The following TANC1 variants were observed in gnomAD, a reference collection of about 807,000 sequenced individuals.
TANC1 encodes the protein tetratricopeptide repeat, ankyrin repeat and coiled-coil containing 1.
In TANC1, 77 loss-of-function variants were observed where a neutral mutation model predicts 149.7. That is an observed-to-expected ratio of 0.51 (90% CI 0.43 to 0.62). TANC1 has a LOEUF of 0.62. Ranked by LOEUF, TANC1 falls within the 20% of genes least tolerant of loss-of-function variation. TANC1 has a pLI of 0.00. For synonymous variants in TANC1, 854 were observed against 925.0 expected (o/e 0.92, Z 1.39); for missense variants, 1,985 against 2,321.8 (o/e 0.85, Z 2.98).
At chr2:159,065,640 G>GTTTT (rs34624412) in intron 2 of TANC1, among the ~76,000 whole-genome samples, 1 of 136,196 alleles carries the variant, frequency 7.3e-6, no homozygotes, top group African/African-American at 2.7e-5. Context: ...ATGCACTATT[G>GTTTT]TTTTTTTTTT....
intron 3 of TANC1, among the ~76,000 whole-genome samples, chr2:159,086,416 G>A (rs1237429464): frequency 6.6e-6 from 1 of 152,110 alleles, no homozygotes; most frequent in Non-Finnish European, 1.5e-5. Flanking sequence ...TCTGACATTA[G>A]AGAGATCTGG....
At chr2:159,186,418 T>A (rs1016909198) in intron 15 of TANC1, among the ~76,000 whole-genome samples, 1 of 152,186 alleles carries the variant, frequency 6.6e-6, no homozygotes, top group African/African-American at 2.4e-5. Flanking sequence ...ATGGTGATAT[T>A]CTAATTCTGT....
chr2:159,076,721 A>G (rs1171949254), intron 3 of TANC1, among the ~76,000 whole-genome samples: 1 of 150,804 alleles, frequency 6.6e-6, no homozygotes, highest in Non-Finnish European at 1.5e-5. Flanking sequence ...ATTGAGTTCA[A>G]TTTCTTGCTT....
At chr2:159,115,668 C>A (rs1041225129) in intron 4 of TANC1, among the ~76,000 whole-genome samples, 22 of 152,106 alleles carry the variant, frequency 1.4e-4, no homozygotes. Flanking sequence ...CCTGGCATAC[C>A]CTTAACTCAT....
At chr2:159,205,241 C>T (rs2058520554) in intron 19 of TANC1, among the ~76,000 whole-genome samples, 1 of 152,208 alleles carries the variant, frequency 6.6e-6, no homozygotes, top group Non-Finnish European at 1.5e-5. Flanking sequence ...GGTGGGCTTC[C>T]CACATCCAAG....
At chr2:159,062,577 A>G (rs1032581514) in intron 2 of TANC1, among the ~76,000 whole-genome samples, 3 of 152,186 alleles carry the variant, frequency 2.0e-5, no homozygotes, top group Non-Finnish European at 4.4e-5. Flanking sequence ...TGCCATTTCC[A>G]TTGAGGAATT....
At chr2:159,126,930 A>T (rs999001051) in intron 4 of TANC1, among the ~76,000 whole-genome samples, 2 of 152,248 alleles carry the variant, frequency 1.3e-5, no homozygotes, top group Non-Finnish European at 2.9e-5. Context: ...ATGCTTTCAT[A>T]TATAACAATT....
chr2:159,224,825 G>C (rs2241023), intron 23 of TANC1: 13,619 of 163,718 alleles, frequency 0.083, 1,234 homozygotes, highest in East Asian at 0.23. Context: ...CGATACTTGA[G>C]GATTGTGTGG....
chr2:159,106,416 T>C (rs965192377), intron 4 of TANC1, among the ~76,000 whole-genome samples: 2 of 152,212 alleles, frequency 1.3e-5, no homozygotes, highest in Admixed American at 6.6e-5. Flanking sequence ...AATCATAATA[T>C]GTGGTATTTT....
intron 19 of TANC1, among the ~76,000 whole-genome samples, chr2:159,201,206 C>A (rs903921535): frequency 4.6e-5 from 7 of 152,274 alleles, no homozygotes; most frequent in Admixed American, 1.3e-4. Context: ...ACTTTCCAGG[C>A]CTGCATTTGT....
chr2:159,172,563 T>C (rs2055376857), intron 11 of TANC1, among the ~76,000 whole-genome samples: 1 of 152,240 alleles, frequency 6.6e-6, no homozygotes, highest in Admixed American at 6.5e-5. Flanking sequence ...CTTATCTGCA[T>C]GTGCTCTTCC....
At chr2:159,061,606 A>G (rs1435633928) in intron 2 of TANC1, among the ~76,000 whole-genome samples, 1 of 152,174 alleles carries the variant, frequency 6.6e-6, no homozygotes, top group Non-Finnish European at 1.5e-5. Context: ...AAGTCTCTGG[A>G]TCCTCATTTC....
chr2:159,008,623 T>G (rs536729555), intron 2 of TANC1, among the ~76,000 whole-genome samples: 1 of 152,346 alleles, frequency 6.6e-6, no homozygotes, highest in South Asian at 2.1e-4. Context: ...TTTCTTGATA[T>G]GCTAGACTCA....
chr2:159,011,517 T>C, intron 2 of TANC1, among the ~76,000 whole-genome samples: 1 of 149,110 alleles, frequency 6.7e-6, no homozygotes, highest in Admixed American at 6.8e-5. Context: ...GAATTCAAAT[T>C]ACACCTTAAA....
At position 159,170,711 on chromosome 2, in the gene TANC1, G is replaced by A. The variant is rs377255592; in HGVS notation, c.1257G>A (p.Gly419=). 209 of 1,614,040 alleles carry A rather than the reference G, an allele frequency of 1.3e-4. 3 individuals carry two copies. The highest frequency in any genetic ancestry group is 4.7e-4 in the African/African-American group (35 of 74,896). Residue 419 remains glycine (G), a synonymous_variant, in exon 10 of 27, where the codon GGG becomes GGA. Coordinates refer to ENST00000263635, the MANE Select transcript of TANC1 (RefSeq NM_033394.3). ...GAVVVGNVGF[G]KTAIISKLVA... is the part of the protein sequence containing the mutation. Reference sequence around the variant, plus strand: ...TGGTGGTTGGCAATGTGGGATTTGGGAAGACGGCAATCATTTCCAAGTTGG... The same window carrying A: ...TGGTGGTTGGCAATGTGGGATTTGGAAAGACGGCAATCATTTCCAAGTTGG...
At chr2:159,066,014 A>G (rs1156889126) in intron 3 of TANC1, 43 bp downstream of exon 3, 1 of 1,491,522 alleles carries the variant, frequency 6.7e-7, no homozygotes, top group Non-Finnish European at 9.4e-7. Context: ...GACAGCGGGC[A>G]GCAAGCTGCT....
intron 2 of TANC1, among the ~76,000 whole-genome samples, chr2:159,011,525 A>C (rs993737347): frequency 7.2e-6 from 1 of 138,474 alleles, no homozygotes; most frequent in Non-Finnish European, 1.5e-5. Context: ...ATTACACCTT[A>C]AATTTTTTTT....
rs756917814 is a variant in TANC1, at chr2:159,229,996, C to T, written c.4570C>T (p.Leu1524Phe). 1 of 1,614,102 alleles carries T rather than the reference C, an allele frequency of 6.2e-7. No homozygotes were observed. Among genetic ancestry groups the T allele is most frequent in the South Asian group, 1.1e-5 (1 of 91,088 alleles). The part of the protein sequence containing the change: ...LREPVAQPGL[L>F]LQPSKQAQIV... ...AGAGCCTGTGGCCCAGCCAGGGCTG[C>T]TCCTGCAGCCCTCCAAGCAGGCCCA... Residue 1524 changes from leucine (L) to phenylalanine (F), a missense_variant, in exon 27 of 27, where the codon CTC (leucine) becomes TTC (phenylalanine). Physicochemically the swap from Leu to Phe is conservative, Grantham distance 22. This residue lies in a region of TANC1 where 920 missense variants were observed against 994.7 expected (regional missense o/e 0.92). Transcript: ENST00000263635.
At chr2:159,195,747 T>C (rs1026799354) in intron 17 of TANC1, among the ~76,000 whole-genome samples, 1 of 152,210 alleles carries the variant, frequency 6.6e-6, no homozygotes, top group African/African-American at 2.4e-5. Context: ...GGATGGCAGC[T>C]GGGCTTTACA....
Sources: allele counts gnomAD v4.1 joint callset (sites outside exome capture counted in the v4.1 genomes callset), GRCh38; gene constraint gnomAD v4.1.1; regional missense constraint gnomAD v4.1.1; transcripts MANE v1.5; gene names NCBI Gene and HGNC (gene_info 2026-07-23, HGNC 2026-07-21).